The following KNL1 variants were observed in gnomAD, a reference collection of about 807,000 sequenced individuals.
KNL1 encodes the protein outer kinetochore KNL1 complex subunit KNL1.
A neutral mutation model predicts 201.3 loss-of-function variants in KNL1; 66 were observed. The observed-to-expected ratio is 0.33, with a 90% CI of 0.27 to 0.40. KNL1 has a LOEUF of 0.40. Ranked by LOEUF, KNL1 falls within the 10% of genes least tolerant of loss-of-function variation. The probability of loss-of-function intolerance (pLI) is 1.00; values close to 1 mark genes in which losing one functional copy is unlikely to be tolerated. For missense variants in KNL1, 2,815 were observed against 2,690.5 expected (o/e 1.05, Z -1.02); for synonymous variants, 895 against 899.2 (o/e 1.00, Z 0.08).
chr15:40,656,560 A>C (rs899273535), intron 22 of KNL1, among the ~76,000 whole-genome samples: 1 of 152,200 alleles, frequency 6.6e-6, no homozygotes, highest in Admixed American at 6.5e-5. Context: ...TATCTTCACC[A>C]TACATGTTAT....
At chr15:40,641,169 G>A (rs965130899) in intron 14 of KNL1, 142 bp downstream of exon 14, 3 of 564,916 alleles carry the variant, frequency 5.3e-6, no homozygotes, top group Non-Finnish European at 6.2e-6. Flanking sequence ...GGGAGAAAGA[G>A]CTTTGGCCTC....
chr15:40,607,793 A>G lies in KNL1; in HGVS notation c.136-1054A>G, dbSNP rs117715864. On this transcript the variant is annotated intron_variant, in intron 4 of 25. Transcript: ENST00000399668. ...ATTAGGATGGTTAAAGTAAAAGACAATAACAAGTGTTGATGAGGATGCAGA... is the reference window on the plus strand; with the variant it reads ...ATTAGGATGGTTAAAGTAAAAGACAGTAACAAGTGTTGATGAGGATGCAGA... Among the ~76,000 whole-genome samples, 28 of 152,266 alleles carry G rather than the reference A, an allele frequency of 1.8e-4. No homozygotes were observed. In the East Asian group the frequency reaches 5.2e-3, roughly 28 times the overall value.
intron 12 of KNL1, among the ~76,000 whole-genome samples, chr15:40,629,023 G>A (rs1422200217): frequency 6.6e-6 from 1 of 151,914 alleles, no homozygotes; most frequent in Non-Finnish European, 1.5e-5. Flanking sequence ...ACAGAGCAAG[G>A]TCTTGTCTCA....
At chr15:40,658,898 C>A (rs1189366558) in intron 24 of KNL1, among the ~76,000 whole-genome samples, 1 of 149,174 alleles carries the variant, frequency 6.7e-6, no homozygotes, top group Non-Finnish European at 1.5e-5. Context: ...CCACTGCACT[C>A]CAGCCTGGGT....
intron 21 of KNL1, among the ~76,000 whole-genome samples, chr15:40,652,695 G>A (rs1893604593): frequency 6.8e-6 from 1 of 147,312 alleles, no homozygotes; most frequent in South Asian, 2.1e-4. Flanking sequence ...CCCAGGAGGT[G>A]GAGGTTGCAG....
At chr15:40,661,293 C>T (rs1168459897) in intron 25 of KNL1, among the ~76,000 whole-genome samples, 1 of 151,766 alleles carries the variant, frequency 6.6e-6, no homozygotes, top group African/African-American at 2.4e-5. Context: ...GAGTTCAAGA[C>T]CATCCTGGCC....
At position 40,659,398 on chromosome 15, in the gene KNL1, T is replaced by C; in HGVS notation, c.6773T>C (p.Leu2258Pro). ...AFAKFEITLF[L>P]SAYYPSVPLP... ...GCAAAGTTTGAAATAACTTTGTTTC[T>C]CTCAGCCTATTATCCATCTGTACCA... Residue 2258 changes from leucine to proline, a missense_variant, in exon 25 of 26, where the codon CTC becomes CCC. Leu to Pro is a moderately conservative substitution (Grantham distance 98, BLOSUM62 -3). This residue lies in a region of KNL1 where 334 missense variants were observed against 362.6 expected (regional missense o/e 0.92). Transcript: ENST00000399668. 1 of 1,613,684 alleles carries C rather than the reference T, an allele frequency of 6.2e-7. No homozygotes were observed. Among genetic ancestry groups the C allele is most frequent in the Non-Finnish European group, 8.5e-7 (1 of 1,179,524 alleles).
At chr15:40,655,475 C>T (rs933812918) in intron 22 of KNL1, among the ~76,000 whole-genome samples, 1 of 150,324 alleles carries the variant, frequency 6.7e-6, no homozygotes, top group East Asian at 2.0e-4. Flanking sequence ...CCTGTAATCC[C>T]AGCTACTCAG....
At position 40,610,301 on chromosome 15, in the gene KNL1, A is replaced by G. The variant is rs201508618; in HGVS notation, c.250+4A>G. 319 of 1,446,568 alleles carry G rather than the reference A, an allele frequency of 2.2e-4. No homozygotes were observed. The highest frequency in any genetic ancestry group is 8.0e-4 in the South Asian group (70 of 87,318). 89.6% of individuals were successfully genotyped at this position (1,446,568 alleles called of 1,614,324 possible). On this transcript the variant is annotated splice_donor_region_variant and intron_variant, in intron 6 of 25. Transcript: ENST00000399668. ...GTGAGAAAGTCAGAAATGGAAGGTAAGTATGTTACTATAATTCCTGCTAAA... is the reference window on the plus strand; with the variant it reads ...GTGAGAAAGTCAGAAATGGAAGGTAGGTATGTTACTATAATTCCTGCTAAA...
rs1247550648 is a variant in KNL1, at chr15:40,623,747, C to T, written c.3483C>T (p.Tyr1161=). ...MDKTVLFTDN[Y]SDLEVTDSHT... ...AAACCGTATTGTTCACAGATAATTA[C>T]AGTGATCTGGAAGTCACCGATTCCC... Residue 1161 remains tyrosine, a synonymous_variant, in exon 10 of 26, where the codon TAC becomes TAT. Transcript: ENST00000399668. 7 of 1,613,818 alleles carry T rather than the reference C, an allele frequency of 4.3e-6. No individual in the cohort carries two copies. Among genetic ancestry groups the T allele is most frequent in the Admixed American group, 3.3e-5 (2 of 60,000 alleles).
Position 40,624,053 on chromosome 15 carries a change from G to A in KNL1, c.3789G>A (p.Gln1263=), listed in dbSNP as rs1171270895. ...DEKVIGKVVD[Q]ACTLEKAQVE... ...AGGTCATAGGGAAAGTTGTAGACCAGGCCTGTACATTGGAAAAAGCGCAAG... is the reference window on the plus strand; with the variant it reads ...AGGTCATAGGGAAAGTTGTAGACCAAGCCTGTACATTGGAAAAAGCGCAAG... The change falls in exon 10 of 26, where the codon CAG becomes CAA. Residue 1263 remains glutamine (Q), a synonymous_variant. Transcript: ENST00000399668. 6.2e-7 allele frequency: 1 copy of A among 1,613,842 alleles called. No individual in the cohort carries two copies. Among genetic ancestry groups the A allele is most frequent in the East Asian group, 2.2e-5 (1 of 44,882 alleles).
chr15:40,651,030 A>G (rs1893540702), intron 19 of KNL1, among the ~76,000 whole-genome samples: 1 of 151,882 alleles, frequency 6.6e-6, no homozygotes, highest in African/African-American at 2.4e-5. Flanking sequence ...ATTAACAAAG[A>G]TATGTTCTGT....
In KNL1 at chr15:40,662,868, G is replaced by A. The variant is rs1893949663; in HGVS notation, c.*680G>A. On this transcript the variant is annotated 3_prime_UTR_variant, in exon 26 of 26. Coordinates refer to ENST00000399668, the MANE Select transcript of KNL1 (RefSeq NM_144508.5). ...CCAGCTACTTAGGAGCTTAAGGCAG[G>A]AGGATCACTTGAGCCCAGGAGGCAG... 1 of 176,516 alleles carries A rather than the reference G, an allele frequency of 5.7e-6. No homozygotes were observed. Among genetic ancestry groups the A allele is most frequent in the Admixed American group, 6.3e-5 (1 of 15,754 alleles). 10.9% of individuals were successfully genotyped at this position (176,516 alleles called of 1,614,324 possible).
chr15:40,638,737 C>T (rs950481288), intron 13 of KNL1, among the ~76,000 whole-genome samples: 1 of 152,122 alleles, frequency 6.6e-6, no homozygotes, highest in Non-Finnish European at 1.5e-5. Context: ...AGGTGATCCG[C>T]CTGCCTTGGC....
At position 40,662,344 on chromosome 15, in the gene KNL1, A is replaced by G; in HGVS notation, c.*156A>G. On this transcript the variant is annotated 3_prime_UTR_variant, in exon 26 of 26. Coordinates refer to ENST00000399668, the MANE Select transcript of KNL1 (RefSeq NM_144508.5). The stretch of plus-strand genomic sequence containing the variant: ...ATCTGTATGTTTTTTATATCTCTGC[A>G]GAATGATGGTGATGAAGTCTGGATG... 1.8e-6 allele frequency: 1 copy of G among 570,326 alleles called. No homozygotes were observed. The allele number at this position is 570,326 out of a possible 1,614,324, so 35.3% of individuals were successfully genotyped here. A position where few individuals can be genotyped will look rare whatever the true frequency, so the allele number is the denominator to read the frequency against.
chr15:40,612,326 A>G (rs1375020209), intron 7 of KNL1, among the ~76,000 whole-genome samples: 3 of 145,580 alleles, frequency 2.1e-5, no homozygotes, highest in East Asian at 4.1e-4. Context: ...AAAAAAACAA[A>G]AAAAACCCCA....
intron 21 of KNL1, among the ~76,000 whole-genome samples, chr15:40,654,573 T>TAA (rs10626725): frequency 0.36 from 52,164 of 143,200 alleles, 9,821 homozygotes; most frequent in Non-Finnish European, 0.44. Flanking sequence ...TCAGGTAGTT[T>TAA]AAAAAAAAAA....
rs1344712749 is a variant in KNL1, at chr15:40,663,283, TCTC to T, written c.*1098_*1100del. 5.9e-6 allele frequency: 1 copy of T among 170,662 alleles called. No homozygotes were observed. The highest frequency in any genetic ancestry group is 2.4e-5 in the African/African-American group (1 of 42,002). 10.6% of individuals were successfully genotyped at this position (170,662 alleles called of 1,614,324 possible). ...ACGATGTTAGCCAGGATGGTCTCGA[TCTC>T]CTGACCTCGTGATCCGCCTGCCTCG... On this transcript the variant is annotated 3_prime_UTR_variant, in exon 26 of 26. Coordinates refer to ENST00000399668, the MANE Select transcript of KNL1 (RefSeq NM_144508.5).
At chr15:40,613,433 G>T (rs973797166) in intron 7 of KNL1, among the ~76,000 whole-genome samples, 10 of 152,094 alleles carry the variant, frequency 6.6e-5, no homozygotes, top group African/African-American at 2.4e-4. Context: ...CCATATGAAA[G>T]TATTACCTAT....
Sources: gnomAD v4.1 joint callset for allele counts (sites outside exome capture counted in the v4.1 genomes callset) on GRCh38, gnomAD v4.1.1 for gene constraint, gnomAD v4.1.1 regional missense constraint, MANE v1.5 for transcripts, NCBI Gene and HGNC (gene_info 2026-07-23, HGNC 2026-07-21) for gene names.